UBTD2: variants seen among roughly 807,000 people sequenced by gnomAD.
UBTD2 encodes the protein ubiquitin domain-containing protein 2.
Under a neutral mutation model 19.8 loss-of-function variants are expected in UBTD2, and 9 were observed. The observed-to-expected ratio is 0.46, with a 90% CI of 0.27 to 0.79. The LOEUF (loss-of-function observed/expected upper bound fraction) is 0.79. Among genes scored for constraint, UBTD2 ranks in the 30% least tolerant of loss-of-function variants. The pLI, the probability that UBTD2 is intolerant of heterozygous loss-of-function variation, is 0.14. For missense variants in UBTD2, 250 were observed against 300.4 expected, an observed-to-expected ratio of 0.83 and a Z score of 1.24; for synonymous variants, 98 against 103.9, an observed-to-expected ratio of 0.94 and a Z score of 0.35.
chr5:172,271,847 A>G (rs1755498459), intron 1 of UBTD2, among the ~76,000 whole-genome samples: 2 of 152,330 alleles, frequency 1.3e-5, no homozygotes, highest in Middle Eastern at 3.4e-3. Flanking sequence ...GCAAAGAAAT[A>G]GTCTCACCTT....
intron 1 of UBTD2, among the ~76,000 whole-genome samples, chr5:172,236,603 T>TA (rs1430423889): frequency 6.6e-6 from 1 of 152,340 alleles, no homozygotes; most frequent in Non-Finnish European, 1.5e-5. Flanking sequence ...TTAGATGAGT[T>TA]AGAGACAGTT....
intron 1 of UBTD2, among the ~76,000 whole-genome samples, chr5:172,276,437 A>T (rs1276280629): frequency 6.6e-6 from 1 of 152,134 alleles, no homozygotes; most frequent in African/African-American, 2.4e-5. Context: ...CCATGCATGT[A>T]TTGTTTACAA....
chr5:172,251,060 A>ATC (rs1754996116), intron 1 of UBTD2, among the ~76,000 whole-genome samples: 2 of 151,966 alleles, frequency 1.3e-5, no homozygotes, highest in Non-Finnish European at 2.9e-5. Context: ...CACGCCTGTA[A>ATC]TCCCAGCACT....
chr5:172,283,507 G>T lies in UBTD2; in HGVS notation c.70+89C>A, dbSNP rs1197052048. ...GAGGGGATGACAAAGGGGCGCGGGG[G>T]CCCGGCGCGGCCCGCGGGGGTCGGG... On this transcript the variant is annotated intron_variant, in intron 1 of 2. Coordinates refer to ENST00000393792, the MANE Select transcript of UBTD2 (RefSeq NM_152277.3). The surrounding 1 kb of genome is among the most constrained non-coding windows in gnomAD (Gnocchi z 4.3). 5.9e-6 allele frequency: 6 copies of T among 1,020,410 alleles called. No homozygotes were observed. The highest frequency in any genetic ancestry group is 7.6e-6 in the Non-Finnish European group (6 of 793,152). The allele number at this position is 1,020,410 out of a possible 1,614,324, so 63.2% of individuals were successfully genotyped here.
intron 1 of UBTD2, among the ~76,000 whole-genome samples, chr5:172,240,589 TG>T (rs1470146056): frequency 1.3e-5 from 2 of 152,208 alleles, no homozygotes; most frequent in Non-Finnish European, 2.9e-5. Context: ...GGCAACATTT[TG>T]TAACACCTAC....
At chr5:172,276,228 TCCCA>T (rs1370615567) in intron 1 of UBTD2, among the ~76,000 whole-genome samples, 7 of 148,218 alleles carry the variant, frequency 4.7e-5, no homozygotes, top group African/African-American at 1.8e-4. Context: ...CCTGTTGTAA[TCCCA>T]GTAACTAGTA....
intron 1 of UBTD2, among the ~76,000 whole-genome samples, chr5:172,239,205 C>A (rs1044625602): frequency 6.6e-6 from 1 of 152,122 alleles, no homozygotes; most frequent in Non-Finnish European, 1.5e-5. Flanking sequence ...ATTGTATAAT[C>A]CAACCTTACT....
chr5:172,224,611 G>A (rs547078838), intron 2 of UBTD2, among the ~76,000 whole-genome samples: 27 of 152,134 alleles, frequency 1.8e-4, no homozygotes, highest in African/African-American at 6.3e-4. Context: ...GGTTTTATAA[G>A]GGACTCTTCC....
chr5:172,274,780 C>T lies in UBTD2; in HGVS notation c.70+8816G>A, dbSNP rs548511310. On this transcript the variant is annotated intron_variant, in intron 1 of 2. Transcript: ENST00000393792. ...CTGAGGCCAGGCGCGGTGGCTCATG[C>T]CTGTAATCCCAGCACTTTGGGTGGC... Among the ~76,000 whole-genome samples, 5 of 152,086 alleles carry T rather than the reference C, an allele frequency of 3.3e-5. No homozygotes were observed. The South Asian group carries it at 6.2e-4, about 19-fold the overall frequency.
rs776626135 is a variant in UBTD2, at chr5:172,211,878, C to T, written c.657G>A (p.Gln219=). ...TCTGCACAGGTTGGCTCACTATAAC[C>T]TGTACAACATAGTCCTTTGGGATCT... is the stretch of plus-strand genomic sequence containing the variant. ...ELKIPKDYVV[Q]VIVSQPVQNP... is the part of the protein sequence containing the mutation. The change falls in exon 3 of 3, where the codon CAG becomes CAA. Residue 219 remains glutamine, a synonymous_variant. Coordinates refer to ENST00000393792, the MANE Select transcript of UBTD2 (RefSeq NM_152277.3). 6.2e-7 allele frequency: 1 copy of T among 1,614,182 alleles called. No homozygotes were observed.
At chr5:172,252,734 C>G (rs1254346785) in intron 1 of UBTD2, among the ~76,000 whole-genome samples, 1 of 152,106 alleles carries the variant, frequency 6.6e-6, no homozygotes, top group African/African-American at 2.4e-5. Flanking sequence ...TGAAGTTGTA[C>G]TCATTTGTCA....
intron 1 of UBTD2, among the ~76,000 whole-genome samples, chr5:172,279,007 A>C (rs1755661994): frequency 6.6e-6 from 1 of 152,130 alleles, no homozygotes; most frequent in Non-Finnish European, 1.5e-5. Context: ...TGAACTCCTG[A>C]CCTCAAGTGC....
chr5:172,265,742 T>C (rs1248241783), intron 1 of UBTD2, among the ~76,000 whole-genome samples: 1 of 152,190 alleles, frequency 6.6e-6, no homozygotes, highest in East Asian at 1.9e-4. Context: ...CTAGGCACTA[T>C]ACCAGATACT....
chr5:172,211,471 TCAAAAAG>T lies in UBTD2; in HGVS notation c.*352_*358del, dbSNP rs1252430686. The T allele has an allele frequency of 1.7e-5, 3 of 175,288 alleles. No homozygotes were observed. The highest frequency in any genetic ancestry group is 3.6e-5 in the Non-Finnish European group (3 of 83,744). 10.9% of individuals were successfully genotyped at this position (175,288 alleles called of 1,614,324 possible). ...ATATTTTTCTAAAAAAATTCTGTAT[TCAAAAAG>T]GTGCTTGGTGCTGTCCTTCATGGAT... On this transcript the variant is annotated 3_prime_UTR_variant, in exon 3 of 3. Coordinates refer to ENST00000393792, the MANE Select transcript of UBTD2 (RefSeq NM_152277.3).
intron 2 of UBTD2, among the ~76,000 whole-genome samples, chr5:172,217,100 T>C (rs758793173): frequency 2.0e-5 from 3 of 152,010 alleles, no homozygotes; most frequent in Non-Finnish European, 4.4e-5. Context: ...TTCTGTATGC[T>C]GTGAAATTAT....
chr5:172,283,002 G>C lies in UBTD2; in HGVS notation c.70+594C>G, dbSNP rs867620793. ...CTAGCTAGGAGCCACGTTTTACCCGGGAAGACCGTTTCCCCACCCCTCCTT... is the reference window on the plus strand; with the variant it reads ...CTAGCTAGGAGCCACGTTTTACCCGCGAAGACCGTTTCCCCACCCCTCCTT... On this transcript the variant is annotated intron_variant, in intron 1 of 2. Coordinates refer to ENST00000393792, the MANE Select transcript of UBTD2 (RefSeq NM_152277.3). The surrounding 1 kb of genome is among the most constrained non-coding windows in gnomAD (Gnocchi z 4.3). Among the ~76,000 whole-genome samples, 3 of 152,100 alleles carry C rather than the reference G, an allele frequency of 2.0e-5. No individual in the cohort carries two copies. Among genetic ancestry groups the C allele is most frequent in the African/African-American group, 7.2e-5 (3 of 41,400 alleles).
intron 1 of UBTD2, among the ~76,000 whole-genome samples, chr5:172,256,335 A>T (rs1283589860): frequency 2.0e-5 from 3 of 152,180 alleles, no homozygotes; most frequent in African/African-American, 7.2e-5. Flanking sequence ...AGGTATACAT[A>T]AAAATGTTTA....
At chr5:172,275,793 T>C (rs1755595222) in intron 1 of UBTD2, among the ~76,000 whole-genome samples, 1 of 152,218 alleles carries the variant, frequency 6.6e-6, no homozygotes, top group Admixed American at 6.6e-5. Flanking sequence ...CACCTACACC[T>C]TAACATATAC....
At chr5:172,229,525 A>G (rs950934397) in intron 2 of UBTD2, among the ~76,000 whole-genome samples, 2 of 140,952 alleles carry the variant, frequency 1.4e-5, no homozygotes, top group African/African-American at 5.4e-5. Flanking sequence ...AAAAAAAAAA[A>G]GAGGAGAGCT....
Sources: gnomAD v4.1 joint callset for allele counts (sites outside exome capture counted in the v4.1 genomes callset) on GRCh38, gnomAD v4.1.1 for gene constraint, Gnocchi (gnomAD v3.1) non-coding constraint, MANE v1.5 for transcripts, NCBI Gene and HGNC (gene_info 2026-07-23, HGNC 2026-07-21) for gene names.